FGF1: variants seen among roughly 807,000 people sequenced by gnomAD.
The protein encoded by FGF1 is beta-endothelial cell growth factor.
FGF1 carries 9 observed loss-of-function variants against 13.4 expected under a neutral mutation model. The observed-to-expected ratio is 0.67, with a 90% CI of 0.40 to 1.17. The LOEUF (loss-of-function observed/expected upper bound fraction) is 1.17, where lower values mean the gene tolerates loss of function less well. FGF1 is among the 50% of genes most tolerant of loss of function. The pLI is 0.01. For missense variants in FGF1, 156 were observed against 192.7 expected (o/e 0.81, Z 1.13); for synonymous variants, 93 against 79.0 (o/e 1.18, Z -0.94).
intron 1 of FGF1, among the ~76,000 whole-genome samples, chr5:142,619,234 T>G (rs1261904849): frequency 6.6e-6 from 1 of 152,166 alleles, no homozygotes; most frequent in East Asian, 1.9e-4. Context: ...ACGCCCAGCC[T>G]TTAGTTTTGT....
chr5:142,608,790 A>T (rs1272176622), intron 2 of FGF1, among the ~76,000 whole-genome samples: 2 of 73,712 alleles, frequency 2.7e-5, no homozygotes, highest in Non-Finnish European at 6.2e-5. Flanking sequence ...AGTATATGTG[A>T]TATATTATGT....
At chr5:142,671,305 T>C (rs912843967) in intron 1 of FGF1, among the ~76,000 whole-genome samples, 2 of 152,232 alleles carry the variant, frequency 1.3e-5, no homozygotes, top group African/African-American at 4.8e-5. Context: ...GGTTAGTTCT[T>C]CTTTGGTCTG....
intron 3 of FGF1, among the ~76,000 whole-genome samples, chr5:142,596,322 T>C (rs1755243020): frequency 1.4e-5 from 2 of 139,458 alleles, no homozygotes; most frequent in African/African-American, 5.5e-5. Context: ...TTTTTTTAAT[T>C]AGCTAGGTGC....
intron 2 of FGF1, among the ~76,000 whole-genome samples, chr5:142,608,121 G>A (rs1758086062): frequency 6.6e-6 from 1 of 152,146 alleles, no homozygotes; most frequent in Non-Finnish European, 1.5e-5. Context: ...AGCTATCCTA[G>A]CATCTTCCTG....
At chr5:142,685,172 G>A (rs960288268) in intron 1 of FGF1, among the ~76,000 whole-genome samples, 5 of 152,176 alleles carry the variant, frequency 3.3e-5, no homozygotes, top group African/African-American at 1.2e-4. Flanking sequence ...GGTGTGGATA[G>A]TGTATGTGCC....
Position 142,592,827 on chromosome 5 carries a change from T to G in FGF1, c.*2463A>C, listed in dbSNP as rs1007690410. ...GCTGGGGTTGCTGATTCTTCCAAAATCTGGGTTTCTGGGATTTGCTTTATT... is the reference window on the plus strand; with the variant it reads ...GCTGGGGTTGCTGATTCTTCCAAAAGCTGGGTTTCTGGGATTTGCTTTATT... On this transcript the variant is annotated 3_prime_UTR_variant, in exon 4 of 4. Coordinates refer to ENST00000337706, the MANE Select transcript of FGF1 (RefSeq NM_000800.5). 1.8e-5 allele frequency: 3 copies of G among 168,650 alleles called. No individual in the cohort carries two copies. The highest frequency in any genetic ancestry group is 7.1e-5 in the African/African-American group (3 of 42,262). 10.4% of individuals were successfully genotyped at this position (168,650 alleles called of 1,614,324 possible). A position where few individuals can be genotyped will look rare whatever the true frequency, so the allele number is the denominator to read the frequency against.
intron 2 of FGF1, among the ~76,000 whole-genome samples, chr5:142,697,178 C>T (rs967012530): frequency 1.3e-5 from 2 of 152,182 alleles, no homozygotes; most frequent in South Asian, 2.1e-4. Flanking sequence ...GAAAAAGAGG[C>T]TCTGCATGTC....
intron 1 of FGF1, among the ~76,000 whole-genome samples, chr5:142,620,405 A>G (rs1021789121): frequency 1.3e-5 from 2 of 152,070 alleles, no homozygotes; most frequent in Non-Finnish European, 2.9e-5. Flanking sequence ...GTGACAGAGC[A>G]AGACTCCGTC....
Position 142,595,937 on chromosome 5 carries a change from G to A in FGF1, c.274-453C>T, listed in dbSNP as rs553093698. Reference sequence around the variant, plus strand: ...GGTAAAAACCAGACTGTGATGTAGTGGGTTGTTGTTGTTGCTGTTGTTTTA... The same window carrying A: ...GGTAAAAACCAGACTGTGATGTAGTAGGTTGTTGTTGTTGCTGTTGTTTTA... On this transcript the variant is annotated intron_variant, in intron 3 of 3. Coordinates refer to ENST00000337706, the MANE Select transcript of FGF1 (RefSeq NM_000800.5). Among the ~76,000 whole-genome samples the A allele has an allele frequency of 2.0e-5, 3 of 152,230 alleles. 1 individual carries two copies. In the South Asian group the frequency reaches 6.2e-4, roughly 32 times the overall value.
chr5:142,670,443 G>A (rs1229754945), intron 1 of FGF1, among the ~76,000 whole-genome samples: 1 of 152,124 alleles, frequency 6.6e-6, no homozygotes, highest in African/African-American at 2.4e-5. Context: ...GCCTTCCTTG[G>A]TCTCTCCAGT....
At chr5:142,641,877 C>G (rs1236020850) in intron 1 of FGF1, among the ~76,000 whole-genome samples, 1 of 150,436 alleles carries the variant, frequency 6.6e-6, no homozygotes, top group Non-Finnish European at 1.5e-5. Context: ...AATTAGGTCA[C>G]TCCCAGGGCT....
chr5:142,626,285 T>G (rs550295809), intron 1 of FGF1, among the ~76,000 whole-genome samples: 3 of 152,338 alleles, frequency 2.0e-5, no homozygotes, highest in Admixed American at 6.5e-5. Context: ...GAAGCTGTCC[T>G]CGACTGAACT....
chr5:142,620,689 C>T (rs1434077698), intron 1 of FGF1, among the ~76,000 whole-genome samples: 3 of 152,132 alleles, frequency 2.0e-5, no homozygotes, highest in Non-Finnish European at 4.4e-5. Context: ...ATAGAGCAAA[C>T]AGACACCAAA....
chr5:142,643,106 G>A (rs1205802482), intron 1 of FGF1, among the ~76,000 whole-genome samples: 2 of 152,142 alleles, frequency 1.3e-5, no homozygotes, highest in African/African-American at 4.8e-5. Flanking sequence ...AGGCTCCATG[G>A]CTTCTGCCTC....
intron 1 of FGF1, among the ~76,000 whole-genome samples, chr5:142,620,828 G>T (rs1300410152): frequency 6.6e-6 from 1 of 152,162 alleles, no homozygotes; most frequent in African/African-American, 2.4e-5. Flanking sequence ...TACGAAAATT[G>T]ACCATGTACC....
chr5:142,596,713 C>G (rs1755356855), intron 3 of FGF1, among the ~76,000 whole-genome samples: 1 of 148,636 alleles, frequency 6.7e-6, no homozygotes, highest in Non-Finnish European at 1.5e-5. Context: ...CCACTGCACT[C>G]TAGTCTGGGT....
intron 1 of FGF1, among the ~76,000 whole-genome samples, chr5:142,650,700 C>T (rs1282954039): frequency 6.6e-6 from 1 of 151,792 alleles, no homozygotes; most frequent in Non-Finnish European, 1.5e-5. Flanking sequence ...ACTATGTATA[C>T]TGTGGTCTCA....
intron 1 of FGF1, among the ~76,000 whole-genome samples, chr5:142,634,351 T>G (rs1763909758): frequency 6.6e-6 from 1 of 152,232 alleles, no homozygotes; most frequent in Admixed American, 6.5e-5. Context: ...CTTGCTGAAA[T>G]AAGAATCCAG....
chr5:142,666,892 G>T (rs1770477273), intron 1 of FGF1, among the ~76,000 whole-genome samples: 1 of 151,634 alleles, frequency 6.6e-6, no homozygotes, highest in Non-Finnish European at 1.5e-5. Context: ...AGCTGTGATA[G>T]TGCCACTGCA....
Sources: allele counts gnomAD v4.1 joint callset (sites outside exome capture counted in the v4.1 genomes callset), GRCh38; gene constraint gnomAD v4.1.1; transcripts MANE v1.5; gene names NCBI Gene and HGNC (gene_info 2026-07-23, HGNC 2026-07-21).